PABPC4L: variants seen among roughly 807,000 people sequenced by gnomAD.
PABPC4L encodes poly(A) binding protein cytoplasmic 4 like, also known as polyadenylate-binding protein 4-like.
For synonymous variants in PABPC4L, 169 were observed against 164.1 expected, an observed-to-expected ratio of 1.03 and a Z score of -0.23; for missense variants, 452 against 451.4, an observed-to-expected ratio of 1.00 and a Z score of -0.01.
At chr4:134,025,638 T>G in the PABPC4L span, among the ~76,000 whole-genome samples, 1,707 of 152,254 alleles carry the variant, frequency 0.011, 30 homozygotes, top group African/African-American at 0.038. Flanking sequence ...TAAATTCTCA[T>G]TTTATCATGC....
the PABPC4L span, among the ~76,000 whole-genome samples, chr4:134,167,870 T>G: frequency 1.3e-5 from 2 of 152,166 alleles, no homozygotes; most frequent in Admixed American, 6.5e-5. Flanking sequence ...CTTTCAGCAT[T>G]GGATATATCA....
chr4:134,021,962 A>G, the PABPC4L span, among the ~76,000 whole-genome samples: 2 of 152,060 alleles, frequency 1.3e-5, no homozygotes, highest in African/African-American at 4.8e-5. Context: ...TTTATTCTCC[A>G]CAATACTAAC....
chr4:134,073,451 C>T, the PABPC4L span, among the ~76,000 whole-genome samples: 1 of 152,310 alleles, frequency 6.6e-6, no homozygotes, highest in African/African-American at 2.4e-5. Flanking sequence ...TATAGGCCCC[C>T]TGCTGGTTGC....
At chr4:134,186,311 A>G in the PABPC4L span, among the ~76,000 whole-genome samples, 1 of 152,180 alleles carries the variant, frequency 6.6e-6, no homozygotes, top group African/African-American at 2.4e-5. Flanking sequence ...TACAGTAACC[A>G]AAACAGCATG....
At chr4:134,146,811 A>C in the PABPC4L span, among the ~76,000 whole-genome samples, 175 of 152,220 alleles carry the variant, frequency 1.1e-3, no homozygotes, top group African/African-American at 3.8e-3. Flanking sequence ...GTTACAAGGC[A>C]TCATTCAGAA....
chr4:134,178,713 A>C, the PABPC4L span, among the ~76,000 whole-genome samples: 2 of 152,168 alleles, frequency 1.3e-5, 1 homozygote, highest in South Asian at 4.1e-4. Context: ...ACAGTTCTGA[A>C]AGAGCTGAAA....
chr4:133,993,757 T>A, the PABPC4L span, among the ~76,000 whole-genome samples: 1 of 152,172 alleles, frequency 6.6e-6, no homozygotes, highest in African/African-American at 2.4e-5. Flanking sequence ...CAAGCACTGA[T>A]GTCATAACTT....
At chr4:134,124,196 A>G in the PABPC4L span, among the ~76,000 whole-genome samples, 1 of 152,100 alleles carries the variant, frequency 6.6e-6, no homozygotes, top group African/African-American at 2.4e-5. Context: ...GTCATACCCA[A>G]CTAAAACAGA....
At chr4:133,950,035 T>G in the PABPC4L span, among the ~76,000 whole-genome samples, 10 of 152,154 alleles carry the variant, frequency 6.6e-5, no homozygotes, top group African/African-American at 2.2e-4. Context: ...TAATATGCCC[T>G]TTGAGAGTTT....
chr4:133,981,060 T>C, the PABPC4L span, among the ~76,000 whole-genome samples: 9 of 151,724 alleles, frequency 5.9e-5, no homozygotes, highest in Non-Finnish European at 1.3e-4. Flanking sequence ...ACTAGGGAGG[T>C]TGAGGCAGGA....
the PABPC4L span, among the ~76,000 whole-genome samples, chr4:133,958,630 TG>T: frequency 3.9e-5 from 6 of 152,198 alleles, no homozygotes; most frequent in Non-Finnish European, 8.8e-5. Flanking sequence ...CAGTTCCACT[TG>T]GCTGGGAAGG....
At chr4:134,143,803 C>T in the PABPC4L span, among the ~76,000 whole-genome samples, 5 of 151,270 alleles carry the variant, frequency 3.3e-5, no homozygotes, top group Non-Finnish European at 7.4e-5. Context: ...TAGTTACTTT[C>T]CTGGAATTTT....
At chr4:134,045,892 A>G in the PABPC4L span, among the ~76,000 whole-genome samples, 1 of 152,208 alleles carries the variant, frequency 6.6e-6, no homozygotes, top group African/African-American at 2.4e-5. Flanking sequence ...AACAATGTGT[A>G]TCAGAAACAT....
the PABPC4L span, among the ~76,000 whole-genome samples, chr4:134,034,518 G>A: frequency 3.3e-5 from 5 of 151,986 alleles, no homozygotes; most frequent in Non-Finnish European, 5.9e-5. Context: ...TTCTGGAAAA[G>A]ATTTATAATT....
the PABPC4L span, among the ~76,000 whole-genome samples, chr4:134,179,461 G>A: frequency 0.022 from 3,417 of 152,194 alleles, 129 homozygotes; most frequent in African/African-American, 0.078. Flanking sequence ...CAGTGACACT[G>A]TAAAACAGCC....
At chr4:134,074,488 C>T in the PABPC4L span, among the ~76,000 whole-genome samples, 1,527 of 152,212 alleles carry the variant, frequency 0.01, 26 homozygotes, top group African/African-American at 0.034. Flanking sequence ...CCCACATTTT[C>T]CTATCTTATT....
the PABPC4L span, among the ~76,000 whole-genome samples, chr4:133,960,972 C>CT: frequency 1.3e-5 from 2 of 152,134 alleles, no homozygotes; most frequent in African/African-American, 4.8e-5. Context: ...TGGTCTTTCC[C>CT]TATCCATCCT....
the PABPC4L span, among the ~76,000 whole-genome samples, chr4:133,970,556 T>C: frequency 6.6e-6 from 1 of 152,216 alleles, no homozygotes; most frequent in Non-Finnish European, 1.5e-5. Context: ...TTTTTCCCTC[T>C]TTCTTTCATC....
chr4:134,058,827 A>C, the PABPC4L span, among the ~76,000 whole-genome samples: 3 of 152,050 alleles, frequency 2.0e-5, no homozygotes, highest in Non-Finnish European at 4.4e-5. Flanking sequence ...AAACCAAGGA[A>C]GACAAAGAGA....
Sources: gnomAD v4.1 joint callset for allele counts (sites outside exome capture counted in the v4.1 genomes callset) on GRCh38, gnomAD v4.1.1 for gene constraint, MANE v1.5 for transcripts, NCBI Gene and HGNC (gene_info 2026-07-23, HGNC 2026-07-21) for gene names.